DGKB: variants seen among roughly 807,000 people sequenced by gnomAD.
DGKB encodes 90 kDa diacylglycerol kinase.
DGKB carries 67 observed loss-of-function variants against 114.3 expected under a neutral mutation model. The observed-to-expected ratio is 0.59, with a 90% CI of 0.48 to 0.72. The LOEUF (loss-of-function observed/expected upper bound fraction) is 0.72. Ranked by LOEUF, DGKB falls within the 30% of genes least tolerant of loss-of-function variation. The pLI, the probability that DGKB is intolerant of heterozygous loss-of-function variation, is 0.00. For missense variants in DGKB, 907 were observed against 975.2 expected, an observed-to-expected ratio of 0.93 and a Z score of 0.93; for synonymous variants, 398 against 323.1, an observed-to-expected ratio of 1.23 and a Z score of -2.49.
intron 23 of DGKB, among the ~76,000 whole-genome samples, chr7:14,204,813 A>T (rs1193423373): frequency 6.6e-6 from 1 of 152,040 alleles, no homozygotes; most frequent in Admixed American, 6.6e-5. Context: ...ATGTAGATCA[A>T]TTCTAGGGGA....
intron 21 of DGKB, among the ~76,000 whole-genome samples, chr7:14,418,344 C>T (rs561983917): frequency 6.1e-5 from 8 of 130,870 alleles, no homozygotes; most frequent in South Asian, 2.3e-4. Context: ...TATACACACA[C>T]ATATATTCAC....
At chr7:14,747,352 C>T (rs192096812) in intron 4 of DGKB, among the ~76,000 whole-genome samples, 256 of 138,694 alleles carry the variant, frequency 1.8e-3, no homozygotes, top group African/African-American at 7.3e-3. Flanking sequence ...GCCACCATGC[C>T]TGGCTAATAG....
intron 20 of DGKB, among the ~76,000 whole-genome samples, chr7:14,494,823 C>CT (rs1332873923): frequency 1.3e-5 from 2 of 151,794 alleles, no homozygotes; most frequent in Non-Finnish European, 2.9e-5. Flanking sequence ...TTGTTTCACT[C>CT]TAACGTGAAA....
At chr7:14,805,509 GT>G (rs1172261212) in intron 2 of DGKB, among the ~76,000 whole-genome samples, 1 of 151,880 alleles carries the variant, frequency 6.6e-6, no homozygotes, top group African/African-American at 2.4e-5. Flanking sequence ...ACTTTTCATG[GT>G]TTTTTTCAGT....
At chr7:14,287,378 T>G (rs1183247702) in intron 23 of DGKB, among the ~76,000 whole-genome samples, 2 of 152,130 alleles carry the variant, frequency 1.3e-5, no homozygotes, top group Non-Finnish European at 2.9e-5. Context: ...GAAATCGGGT[T>G]TGTGATGCTA....
intron 21 of DGKB, among the ~76,000 whole-genome samples, chr7:14,394,734 C>T (rs1821961643): frequency 6.6e-6 from 1 of 151,732 alleles, no homozygotes; most frequent in South Asian, 2.1e-4. Flanking sequence ...AAACATGGCT[C>T]CCATACCCCT....
At chr7:14,820,886 T>C (rs996190297) in intron 2 of DGKB, among the ~76,000 whole-genome samples, 5 of 152,234 alleles carry the variant, frequency 3.3e-5, no homozygotes, top group Non-Finnish European at 7.4e-5. Flanking sequence ...GAGAACTGCA[T>C]TGGGTCCACA....
At chr7:14,751,872 T>G (rs544831887) in intron 4 of DGKB, among the ~76,000 whole-genome samples, 7 of 152,378 alleles carry the variant, frequency 4.6e-5, no homozygotes, top group Admixed American at 6.5e-5. Context: ...ATCTTTGGCA[T>G]GTTCTCTAGA....
In DGKB at chr7:14,149,968, G is replaced by A. The variant is rs923226653; in HGVS notation, c.2305-730C>T. On this transcript the variant is annotated intron_variant, in intron 25 of 25. Transcript: ENST00000402815. ...GACAACCTTAAAGTAGATTACGTCT[G>A]CAATTTTCTCTAATTCGACTCTAAA... 2.6e-5 allele frequency among the ~76,000 whole-genome samples: 4 copies of A among 152,222 alleles called. 1 individual carries two copies. Among genetic ancestry groups the A allele is most frequent in the African/African-American group, 9.6e-5 (4 of 41,546 alleles).
At chr7:14,735,153 G>A (rs1165614256) in intron 5 of DGKB, among the ~76,000 whole-genome samples, 2 of 152,164 alleles carry the variant, frequency 1.3e-5, no homozygotes, top group South Asian at 2.1e-4. Flanking sequence ...TCTGGGACAG[G>A]CCACGGTGAT....
chr7:14,956,891 G>C (rs575214413), intron 1 of DGKB, among the ~76,000 whole-genome samples: 1 of 151,700 alleles, frequency 6.6e-6, no homozygotes, highest in Non-Finnish European at 1.5e-5. Flanking sequence ...TTAACATGAA[G>C]TTAAACATTC....
At chr7:14,879,427 T>A (rs1001994345) in intron 1 of DGKB, among the ~76,000 whole-genome samples, 2 of 152,146 alleles carry the variant, frequency 1.3e-5, no homozygotes, top group African/African-American at 4.8e-5. Flanking sequence ...AAAAAACACT[T>A]TGCTTTTCTT....
intron 6 of DGKB, among the ~76,000 whole-genome samples, chr7:14,708,507 G>A (rs1249528564): frequency 2.0e-5 from 3 of 151,192 alleles, no homozygotes; most frequent in African/African-American, 7.4e-5. Context: ...GCATCGCCAA[G>A]TGAATCCTAA....
At chr7:14,590,161 AAT>A (rs141442567) in intron 17 of DGKB, among the ~76,000 whole-genome samples, 7,245 of 117,706 alleles carry the variant, frequency 0.062, 281 homozygotes, top group African/African-American at 0.15. Context: ...AAAGTATAAT[AAT>A]AAAAAAAAAA....
chr7:14,927,901 A>G (rs1784825212), intron 1 of DGKB, among the ~76,000 whole-genome samples: 1 of 151,884 alleles, frequency 6.6e-6, no homozygotes, highest in African/African-American at 2.4e-5. Context: ...TTAAGATTCA[A>G]TTTACAAGAA....
At chr7:14,553,801 C>T (rs891426125) in intron 20 of DGKB, among the ~76,000 whole-genome samples, 2 of 149,074 alleles carry the variant, frequency 1.3e-5, no homozygotes, top group African/African-American at 4.9e-5. Flanking sequence ...TATATATTTG[C>T]AGATTAATTT....
chr7:14,645,008 C>T (rs1008090039), intron 13 of DGKB, among the ~76,000 whole-genome samples: 2 of 152,166 alleles, frequency 1.3e-5, no homozygotes, highest in Admixed American at 6.5e-5. Context: ...TCCAGATAGA[C>T]TCCACAACTG....
intron 8 of DGKB, among the ~76,000 whole-genome samples, chr7:14,696,541 G>A (rs1204963918): frequency 7.2e-4 from 84 of 117,372 alleles, no homozygotes; most frequent in African/African-American, 2.4e-3. Flanking sequence ...AAAGAAACCT[G>A]AATGGAAAAA....
chr7:14,503,643 A>G (rs1021342485), intron 20 of DGKB, among the ~76,000 whole-genome samples: 2 of 152,162 alleles, frequency 1.3e-5, no homozygotes, highest in African/African-American at 4.8e-5. Context: ...GATTTATTCT[A>G]TGGGTCTGAG....
Sources: gnomAD v4.1 joint callset for allele counts (sites outside exome capture counted in the v4.1 genomes callset) on GRCh38, gnomAD v4.1.1 for gene constraint, MANE v1.5 for transcripts, NCBI Gene and HGNC (gene_info 2026-07-23, HGNC 2026-07-21) for gene names.